Variants in AGBL1 observed in about 807,000 individuals in gnomAD.
AGBL1 encodes AGBL carboxypeptidase 1.
AGBL1 carries 130 observed loss-of-function variants against 118.9 expected under a neutral mutation model. That is an observed-to-expected ratio of 1.09 (90% confidence interval 0.95 to 1.26). The LOEUF (loss-of-function observed/expected upper bound fraction) is 1.26. Among genes scored for constraint, AGBL1 ranks in the 50% most tolerant of loss-of-function variants. The pLI is 0.00. For missense variants in AGBL1, 1,584 were observed against 1,298.1 expected (o/e 1.22, Z -3.38); for synonymous variants, 555 against 478.9 (o/e 1.16, Z -2.08).
At chr15:86,776,561 T>C (rs1049711129) in intron 22 of AGBL1, among the ~76,000 whole-genome samples, 1 of 152,052 alleles carries the variant, frequency 6.6e-6, no homozygotes, top group Non-Finnish European at 1.5e-5. Context: ...CTTGAGAACT[T>C]AGGCCTTTGT....
chr15:86,295,278 G>T lies in AGBL1; in HGVS notation c.2244G>T (p.Lys748Asn), dbSNP rs2079615849. Reference sequence around the variant, plus strand: ...AGACTCATCTTGACATCCTGGAAAAGAGTGTCAACCTCAAAGAGGTCTACT... The same window carrying T: ...AGACTCATCTTGACATCCTGGAAAATAGTGTCAACCTCAAAGAGGTCTACT... ...ALMTHLDILE[K>N]SVNLKEVYFR... The change falls in exon 17 of 23, where the codon AAG becomes AAT. Residue 748 changes from lysine to asparagine, a missense_variant. Coordinates refer to ENST00000614907, the MANE Select transcript of AGBL1 (RefSeq NM_001386094.1). 1 of 1,613,678 alleles carries T rather than the reference G, an allele frequency of 6.2e-7. No individual in the cohort carries two copies. The highest frequency in any genetic ancestry group is 8.5e-7 in the Non-Finnish European group (1 of 1,179,724).
intron 23 of AGBL1, among the ~76,000 whole-genome samples, chr15:86,964,804 C>T (rs777933929): frequency 5.3e-5 from 8 of 151,972 alleles, no homozygotes; most frequent in Non-Finnish European, 1.0e-4. Context: ...CTGACAGGCC[C>T]CGGTGTGTAA....
intron 22 of AGBL1, among the ~76,000 whole-genome samples, chr15:86,780,647 T>C (rs988829912): frequency 6.8e-6 from 1 of 146,770 alleles, no homozygotes; most frequent in Non-Finnish European, 1.5e-5. Flanking sequence ...AATTGGGTCT[T>C]CTTTAACTTC....
rs1260529945 is a variant in AGBL1, at chr15:86,154,514, A to G, written c.347A>G (p.Gln116Arg). The G allele has an allele frequency of 1.9e-6, 3 of 1,613,296 alleles. No homozygotes were observed. The highest frequency in any genetic ancestry group is 8.5e-7 in the Non-Finnish European group (1 of 1,179,594). Residue 116 changes from glutamine (Q) to arginine (R), a missense_variant, in exon 4 of 23, where the codon CAG becomes CGG. Gln to Arg is a conservative substitution (Grantham distance 43). Transcript: ENST00000614907. ...GCCAGGAAGAACCTATCCCATGGCC[A>G]GAATCTCCTCCACTGTCTCTGGGCT... ...ILARKNLSHG[Q>R]NLLHCLWALR...
chr15:86,194,903 G>A (rs1156611846), intron 5 of AGBL1, among the ~76,000 whole-genome samples: 1 of 152,140 alleles, frequency 6.6e-6, no homozygotes, highest in East Asian at 1.9e-4. Flanking sequence ...TGTCATTTAG[G>A]TCTTACTGTA....
intron 21 of AGBL1, among the ~76,000 whole-genome samples, chr15:86,580,008 A>G (rs572633792): frequency 4.6e-5 from 7 of 152,302 alleles, no homozygotes; most frequent in South Asian, 2.1e-4. Flanking sequence ...GGGAACTACC[A>G]ATTTCTTTTG....
chr15:86,734,123 G>A (rs532751454), intron 22 of AGBL1, among the ~76,000 whole-genome samples: 5 of 152,094 alleles, frequency 3.3e-5, no homozygotes, highest in Non-Finnish European at 5.9e-5. Flanking sequence ...AAATGATCAG[G>A]CTATAAGCAA....
intron 5 of AGBL1, among the ~76,000 whole-genome samples, chr15:86,168,103 G>C (rs2077366709): frequency 1.3e-5 from 2 of 152,280 alleles, no homozygotes; most frequent in East Asian, 1.9e-4. Context: ...GCAGTATTGT[G>C]GGGCTTTTAT....
intron 22 of AGBL1, among the ~76,000 whole-genome samples, chr15:86,693,207 C>A (rs1301776666): frequency 6.6e-6 from 1 of 152,076 alleles, no homozygotes; most frequent in Non-Finnish European, 1.5e-5. Flanking sequence ...AGTCGTTGTA[C>A]TAGTTTATAT....
intron 18 of AGBL1, among the ~76,000 whole-genome samples, chr15:86,518,461 A>G (rs1304794993): frequency 2.0e-5 from 3 of 152,080 alleles, no homozygotes; most frequent in East Asian, 1.9e-4. Context: ...AGTTAGGACT[A>G]GTGCTGCTGA....
chr15:86,356,448 C>A (rs549528716), intron 17 of AGBL1, among the ~76,000 whole-genome samples: 1 of 152,144 alleles, frequency 6.6e-6, no homozygotes, highest in South Asian at 2.1e-4. Flanking sequence ...GGAAGATCAA[C>A]TAATGTCCAG....
intron 21 of AGBL1, among the ~76,000 whole-genome samples, chr15:86,604,957 G>A (rs897049084): frequency 3.3e-5 from 5 of 151,538 alleles, no homozygotes; most frequent in Non-Finnish European, 5.9e-5. Flanking sequence ...CACCACGCCC[G>A]GCTAATTTTG....
At chr15:86,684,627 A>G (rs1371374033) in intron 22 of AGBL1, among the ~76,000 whole-genome samples, 4 of 152,022 alleles carry the variant, frequency 2.6e-5, no homozygotes, top group Non-Finnish European at 4.4e-5. Flanking sequence ...GACCCGTAGC[A>G]TAGTTTAGAT....
rs377507894 is a variant in AGBL1, at chr15:86,396,115, GTA to G, written c.2375-1244_2375-1243del. On this transcript the variant is annotated intron_variant, in intron 17 of 22. Coordinates refer to ENST00000614907, the MANE Select transcript of AGBL1 (RefSeq NM_001386094.1). Reference sequence around the variant, plus strand: ...TATTCTATTGTATCTATGTGTGTGTGTATATATAAAATCATATATTCATATAT... The same window carrying G: ...TATTCTATTGTATCTATGTGTGTGTGTATATAAAATCATATATTCATATAT... Among the ~76,000 whole-genome samples the G allele has an allele frequency of 6.2e-5, 9 of 145,756 alleles. No homozygotes were observed. The East Asian group carries it at 1.8e-3, about 29-fold the overall frequency.
rs567031956 is a variant in AGBL1 at position 86,405,720 on chromosome 15, T to C, written c.2555+8174T>C. On this transcript the variant is annotated intron_variant, in intron 18 of 22. Transcript: ENST00000614907. Reference sequence around the variant, plus strand: ...GTTTTCTAATTATAAAAATGATACATGATACAGCCAAGATAATAGGTGTTT... The same window carrying C: ...GTTTTCTAATTATAAAAATGATACACGATACAGCCAAGATAATAGGTGTTT... 2.2e-4 allele frequency among the ~76,000 whole-genome samples: 33 copies of C among 152,132 alleles called. No homozygotes were observed. The South Asian group carries it at 6.6e-3, about 31-fold the overall frequency.
intron 5 of AGBL1, among the ~76,000 whole-genome samples, chr15:86,219,698 T>A (rs1464108230): frequency 1.3e-5 from 2 of 152,136 alleles, no homozygotes; most frequent in Non-Finnish European, 2.9e-5. Context: ...CTATGTAGAA[T>A]CTTGAATCAA....
chr15:86,311,810 T>A (rs1262546854), intron 17 of AGBL1, among the ~76,000 whole-genome samples: 2 of 152,190 alleles, frequency 1.3e-5, no homozygotes, highest in African/African-American at 4.8e-5. Context: ...TTGCTTGAGG[T>A]ACCTTCAGCT....
At chr15:86,578,895 G>A (rs1326455967) in intron 21 of AGBL1, among the ~76,000 whole-genome samples, 3 of 152,114 alleles carry the variant, frequency 2.0e-5, no homozygotes, top group Non-Finnish European at 4.4e-5. Context: ...GTCTTTATCA[G>A]CAGCATGAAA....
chr15:86,623,361 G>A (rs2142415699), intron 21 of AGBL1, among the ~76,000 whole-genome samples: 1 of 152,332 alleles, frequency 6.6e-6, no homozygotes, highest in Non-Finnish European at 1.5e-5. Context: ...CAGGGTTTGA[G>A]GGCAACAGCT....
Sources: allele counts gnomAD v4.1 joint callset (sites outside exome capture counted in the v4.1 genomes callset), GRCh38; gene constraint gnomAD v4.1.1; transcripts MANE v1.5; gene names NCBI Gene and HGNC (gene_info 2026-07-23, HGNC 2026-07-21).